Variants in LIN7A observed in about 807,000 individuals in gnomAD.
LIN7A encodes the protein lin-7 cell polarity scaffold A.
Under a neutral mutation model 29.8 loss-of-function variants are expected in LIN7A, and 25 were observed. That is an observed-to-expected ratio of 0.84 (90% CI 0.61 to 1.17). The LOEUF (loss-of-function observed/expected upper bound fraction) is 1.17. LIN7A is among the 50% of genes most tolerant of loss of function. The pLI is 0.00. For synonymous variants in LIN7A, 118 were observed against 107.5 expected (o/e 1.10, Z -0.60); for missense variants, 239 against 287.0 (o/e 0.83, Z 1.21).
chr12:80,848,083 C>T, intron 3 of LIN7A, 168 bp downstream of exon 3: 1 of 694,038 alleles, frequency 1.4e-6, no homozygotes, highest in South Asian at 1.5e-5. Context: ...GTTCAATTTT[C>T]CATTAGGATT....
chr12:80,855,860 G>A (rs765931921), intron 2 of LIN7A, among the ~76,000 whole-genome samples: 3 of 152,068 alleles, frequency 2.0e-5, no homozygotes, highest in Non-Finnish European at 2.9e-5. Context: ...CATCTACTAA[G>A]GAAGAGATGT....
At chr12:80,823,334 C>T (rs1871904419) in intron 4 of LIN7A, among the ~76,000 whole-genome samples, 1 of 152,234 alleles carries the variant, frequency 6.6e-6, no homozygotes, top group Non-Finnish European at 1.5e-5. Context: ...AGGGTTGTGA[C>T]ACCCTCTTTG....
chr12:80,871,469 T>A (rs1874422602), intron 2 of LIN7A, among the ~76,000 whole-genome samples: 1 of 152,150 alleles, frequency 6.6e-6, no homozygotes, highest in Non-Finnish European at 1.5e-5. Flanking sequence ...TTAAATAGTT[T>A]TATATATTCA....
At chr12:80,884,659 G>A (rs1346664040) in intron 2 of LIN7A, among the ~76,000 whole-genome samples, 1 of 152,170 alleles carries the variant, frequency 6.6e-6, no homozygotes, top group Non-Finnish European at 1.5e-5. Context: ...CATGCACAAA[G>A]AAGTAGAGAA....
chr12:80,810,985 C>A (rs7294577), intron 5 of LIN7A, among the ~76,000 whole-genome samples: 37,327 of 152,026 alleles, frequency 0.25, 5,342 homozygotes, highest in Non-Finnish European at 0.33. Context: ...GGGCACTTTT[C>A]CAATAAATTG....
At chr12:80,823,133 T>C (rs1051223864) in intron 4 of LIN7A, among the ~76,000 whole-genome samples, 1 of 152,194 alleles carries the variant, frequency 6.6e-6, no homozygotes, top group African/African-American at 2.4e-5. Context: ...TTGCTCACTC[T>C]CCACTTGTCT....
At chr12:80,919,078 C>T (rs1300019135) in intron 1 of LIN7A, among the ~76,000 whole-genome samples, 1 of 152,154 alleles carries the variant, frequency 6.6e-6, no homozygotes, top group Non-Finnish European at 1.5e-5. Flanking sequence ...ATGACATTCC[C>T]ACAATAAAAT....
intron 4 of LIN7A, among the ~76,000 whole-genome samples, chr12:80,821,844 G>T (rs1458608439): frequency 6.6e-6 from 1 of 152,214 alleles, no homozygotes; most frequent in African/African-American, 2.4e-5. Context: ...AGGCTCAGAA[G>T]TGCCTGCTCC....
intron 2 of LIN7A, among the ~76,000 whole-genome samples, chr12:80,886,331 C>T (rs570296288): frequency 5.7e-4 from 87 of 152,004 alleles, no homozygotes; most frequent in African/African-American, 2.1e-3. Context: ...TCTTTACTGG[C>T]ATTTGGTTTC....
At chr12:80,807,003 C>T (rs1375003617) in intron 5 of LIN7A, among the ~76,000 whole-genome samples, 1 of 145,770 alleles carries the variant, frequency 6.9e-6, no homozygotes, top group Non-Finnish European at 1.5e-5. Context: ...ATAATAAATG[C>T]TTTTTACTAA....
intron 1 of LIN7A, among the ~76,000 whole-genome samples, chr12:80,925,473 C>T (rs1381454956): frequency 6.6e-6 from 1 of 152,200 alleles, no homozygotes; most frequent in African/African-American, 2.4e-5. Flanking sequence ...ACATGATATC[C>T]AGGACTCAGC....
intron 2 of LIN7A, among the ~76,000 whole-genome samples, chr12:80,868,872 G>T (rs181512482): frequency 7.4e-4 from 112 of 152,200 alleles, no homozygotes; most frequent in African/African-American, 2.6e-3. Flanking sequence ...CTACTCTCAG[G>T]TAGGTAGCAA....
intron 2 of LIN7A, among the ~76,000 whole-genome samples, chr12:80,859,585 AG>A (rs1311065307): frequency 6.6e-6 from 1 of 152,194 alleles, no homozygotes; most frequent in African/African-American, 2.4e-5. Context: ...GTCATTTATA[AG>A]CCCAGCCTTA....
chr12:80,913,265 G>A (rs908941330), intron 1 of LIN7A, among the ~76,000 whole-genome samples: 3 of 152,166 alleles, frequency 2.0e-5, no homozygotes, highest in Non-Finnish European at 2.9e-5. Context: ...ATACAACAAA[G>A]GACATATTAT....
intron 2 of LIN7A, among the ~76,000 whole-genome samples, chr12:80,884,992 A>G (rs920009703): frequency 6.6e-6 from 1 of 152,148 alleles, no homozygotes; most frequent in African/African-American, 2.4e-5. Context: ...GATAGTACAT[A>G]GATTTTTAAT....
At chr12:80,935,392 TAGAC>T (rs1443664864) in intron 1 of LIN7A, among the ~76,000 whole-genome samples, 1 of 152,178 alleles carries the variant, frequency 6.6e-6, no homozygotes, top group Non-Finnish European at 1.5e-5. Flanking sequence ...AATTGAATTA[TAGAC>T]TGCTAAAGCT....
At chr12:80,909,915 T>TGTATTAGGTTA (rs1876672075) in intron 1 of LIN7A, among the ~76,000 whole-genome samples, 1 of 151,866 alleles carries the variant, frequency 6.6e-6, no homozygotes, top group African/African-American at 2.4e-5. Flanking sequence ...GTCTTACATC[T>TGTATTAGGTTA]CTGTATTAGG....
chr12:80,909,058 A>G (rs542394148), intron 1 of LIN7A, among the ~76,000 whole-genome samples: 11 of 152,224 alleles, frequency 7.2e-5, no homozygotes, highest in African/African-American at 2.2e-4. Context: ...CAACGCCTCA[A>G]AGATTTTCTT....
chr12:80,887,197 A>C (rs1221943074), intron 2 of LIN7A, among the ~76,000 whole-genome samples: 1 of 152,088 alleles, frequency 6.6e-6, no homozygotes, highest in Non-Finnish European at 1.5e-5. Context: ...TCAAAAATAT[A>C]TATCTGGAAT....
Sources: gnomAD v4.1 joint callset for allele counts (sites outside exome capture counted in the v4.1 genomes callset) on GRCh38, gnomAD v4.1.1 for gene constraint, MANE v1.5 for transcripts, NCBI Gene and HGNC (gene_info 2026-07-23, HGNC 2026-07-21) for gene names.